Variants in SHANK2 observed in about 807,000 individuals in gnomAD.
The protein encoded by SHANK2 is SH3 and multiple ankyrin repeat domains 2, also known as SH3 and multiple ankyrin repeat domains protein 2.
SHANK2 carries 43 observed loss-of-function variants against 133.7 expected under a neutral mutation model. The observed-to-expected ratio is 0.32, with a 90% CI of 0.25 to 0.41. The LOEUF (loss-of-function observed/expected upper bound fraction) is 0.41, where lower values mean the gene tolerates loss of function less well. Among genes scored for constraint, SHANK2 ranks in the 10% least tolerant of loss-of-function variants. The pLI is 1.00. For synonymous variants in SHANK2, 1,017 were observed against 952.8 expected (o/e 1.07, Z -1.24); for missense variants, 1,994 against 2,235.8 (o/e 0.89, Z 2.18).
At chr11:71,183,263 G>A (rs1486155501) in intron 2 of SHANK2, among the ~76,000 whole-genome samples, 2 of 152,186 alleles carry the variant, frequency 1.3e-5, no homozygotes, top group African/African-American at 4.8e-5. Flanking sequence ...AAAGGTGCTG[G>A]AGTTTCGAGG....
At chr11:71,163,759 G>C (rs1394131720) in intron 2 of SHANK2, among the ~76,000 whole-genome samples, 1 of 152,220 alleles carries the variant, frequency 6.6e-6, no homozygotes, top group Non-Finnish European at 1.5e-5. Context: ...TGAGCTCTTA[G>C]AGGAGTGAAA....
chr11:70,557,408 C>T (rs1742078032), intron 17 of SHANK2, among the ~76,000 whole-genome samples: 1 of 152,190 alleles, frequency 6.6e-6, no homozygotes, highest in Admixed American at 6.5e-5. Flanking sequence ...AGAAGGGACT[C>T]ACATGGAGGG....
At chr11:70,728,654 C>A (rs983079386) in intron 14 of SHANK2, among the ~76,000 whole-genome samples, 5 of 152,212 alleles carry the variant, frequency 3.3e-5, no homozygotes, top group Admixed American at 1.3e-4. Flanking sequence ...TACGCACGCC[C>A]AGAACACTGA....
At chr11:70,846,128 C>T in intron 11 of SHANK2, among the ~76,000 whole-genome samples, 1 of 152,130 alleles carries the variant, frequency 6.6e-6, no homozygotes, top group Admixed American at 6.5e-5. Flanking sequence ...ACAGCACCCC[C>T]AGGCAAAGTC....
intron 2 of SHANK2, among the ~76,000 whole-genome samples, chr11:71,211,076 T>C (rs1555118809): frequency 6.6e-6 from 1 of 151,890 alleles, no homozygotes; most frequent in African/African-American, 2.4e-5. Context: ...TTGCTCCCCT[T>C]ACCAAGTTCA....
chr11:70,511,589 T>G (rs973560048), intron 17 of SHANK2, among the ~76,000 whole-genome samples: 11 of 152,196 alleles, frequency 7.2e-5, no homozygotes, highest in African/African-American at 2.7e-4. Context: ...TATAGAAGGC[T>G]CAGGTAAGTA....
At chr11:70,721,749 C>A (rs1349224329) in intron 14 of SHANK2, among the ~76,000 whole-genome samples, 2 of 152,244 alleles carry the variant, frequency 1.3e-5, no homozygotes, top group African/African-American at 4.8e-5. Context: ...AAGGTCCCAC[C>A]CAACCCTAGA....
chr11:70,688,030 C>T (rs1945194403), intron 15 of SHANK2, among the ~76,000 whole-genome samples: 1 of 152,198 alleles, frequency 6.6e-6, no homozygotes, highest in Non-Finnish European at 1.5e-5. Flanking sequence ...GGGTCCAGAA[C>T]AAAGCAGCCA....
chr11:71,119,814 G>A (rs1410798831), intron 3 of SHANK2, among the ~76,000 whole-genome samples: 8 of 152,048 alleles, frequency 5.3e-5, no homozygotes, highest in Non-Finnish European at 8.8e-5. Flanking sequence ...TGCTGCTGCC[G>A]TCCTGGGGAA....
intron 10 of SHANK2, among the ~76,000 whole-genome samples, chr11:70,936,715 G>T (rs1412522693): frequency 6.6e-6 from 1 of 152,118 alleles, no homozygotes; most frequent in East Asian, 1.9e-4. Flanking sequence ...GGTTCATAGA[G>T]AGCTGGTGCA....
In SHANK2 at chr11:70,485,865, G is replaced by A; in HGVS notation, c.4428C>T (p.Phe1476=). The A allele has an allele frequency of 1.9e-6, 3 of 1,614,116 alleles. No homozygotes were observed. Among genetic ancestry groups the A allele is most frequent in the African/African-American group, 2.7e-5 (2 of 75,034 alleles). Residue 1476 remains phenylalanine (F), a synonymous_variant, in exon 25 of 26, where the codon TTC becomes TTT. Coordinates refer to ENST00000601538, the MANE Select transcript of SHANK2 (RefSeq NM_012309.5). This position sits in a 1 kb window ranked among gnomAD's most constrained non-coding sequence, Gnocchi z 5.8. ...CGTCAAAGCTTTCAGGGGGTGGCAG[G>A]AATGAGGCAGGCAGACAGTTTGAAA... ...ASLSNCLPAS[F]LPPPESFDAV... is the part of the protein sequence containing the mutation.
chr11:70,658,082 T>C (rs556957563), intron 17 of SHANK2, among the ~76,000 whole-genome samples: 2 of 152,130 alleles, frequency 1.3e-5, no homozygotes, highest in South Asian at 2.1e-4. Context: ...TCTTTTATTA[T>C]TGAAAATCAA....
At chr11:70,838,123 C>G (rs1948851091) in intron 11 of SHANK2, among the ~76,000 whole-genome samples, 1 of 152,244 alleles carries the variant, frequency 6.6e-6, no homozygotes, top group South Asian at 2.1e-4. Flanking sequence ...AAATGTCTTC[C>G]CACCATGAAC....
At chr11:70,843,266 G>T (rs958023195) in intron 11 of SHANK2, among the ~76,000 whole-genome samples, 1 of 141,126 alleles carries the variant, frequency 7.1e-6, no homozygotes, top group South Asian at 2.3e-4. Flanking sequence ...GGTGGGCTGG[G>T]CTGCTATGGG....
chr11:70,576,823 T>A (rs1949317238), intron 17 of SHANK2, among the ~76,000 whole-genome samples: 1 of 152,110 alleles, frequency 6.6e-6, no homozygotes, highest in African/African-American at 2.4e-5. Flanking sequence ...ATCCCTCACT[T>A]TTCTCCCCTA....
chr11:71,230,088 G>A (rs1954716513), intron 1 of SHANK2, among the ~76,000 whole-genome samples: 1 of 152,142 alleles, frequency 6.6e-6, no homozygotes, highest in South Asian at 2.1e-4. Context: ...AGGAGCTCGA[G>A]ACTAGCCTGG....
At chr11:70,796,962 G>A (rs556957412) in intron 14 of SHANK2, among the ~76,000 whole-genome samples, 1 of 152,272 alleles carries the variant, frequency 6.6e-6, no homozygotes, top group Non-Finnish European at 1.5e-5. Flanking sequence ...GGACAGAAAG[G>A]AAGGCGGCAC....
At chr11:71,180,041 C>T (rs923817486) in intron 2 of SHANK2, among the ~76,000 whole-genome samples, 24 of 152,184 alleles carry the variant, frequency 1.6e-4, no homozygotes, top group African/African-American at 4.1e-4. Flanking sequence ...CAGGACATCC[C>T]GGGAGCTGAC....
chr11:71,073,284 G>A (rs1281290669), intron 9 of SHANK2, among the ~76,000 whole-genome samples: 6 of 150,678 alleles, frequency 4.0e-5, no homozygotes, highest in Admixed American at 4.0e-4. Flanking sequence ...TCAGCCTCCC[G>A]AGTCGCTGGG....
Sources: gnomAD v4.1 joint callset for allele counts (sites outside exome capture counted in the v4.1 genomes callset) on GRCh38, gnomAD v4.1.1 for gene constraint, Gnocchi (gnomAD v3.1) non-coding constraint, MANE v1.5 for transcripts, NCBI Gene and HGNC (gene_info 2026-07-23, HGNC 2026-07-21) for gene names.